Variants in LRP1B observed in about 807,000 individuals in gnomAD.
LRP1B encodes the protein low-density lipoprotein receptor-related protein 1B.
A neutral mutation model predicts 556.6 loss-of-function variants in LRP1B; 217 were observed. The observed-to-expected ratio is 0.39, with a 90% CI of 0.35 to 0.44. The LOEUF is 0.44. LRP1B is among the 20% of genes least tolerant of loss of function. The pLI, the probability that LRP1B is intolerant of heterozygous loss-of-function variation, is 1.00. For missense variants in LRP1B, 5,053 were observed against 5,620.8 expected, an observed-to-expected ratio of 0.90 and a Z score of 3.23; for synonymous variants, 2,047 against 1,865.8, an observed-to-expected ratio of 1.10 and a Z score of -2.50.
chr2:140,280,235 T>C (rs1176773262), intron 84 of LRP1B, among the ~76,000 whole-genome samples: 1 of 151,810 alleles, frequency 6.6e-6, no homozygotes, highest in Non-Finnish European at 1.5e-5. Context: ...AAATTTGTTG[T>C]TCAAATTTGA....
At chr2:141,467,845 G>A (rs13024334) in intron 3 of LRP1B, among the ~76,000 whole-genome samples, 4 of 127,364 alleles carry the variant, frequency 3.1e-5, no homozygotes, top group African/African-American at 1.1e-4. Flanking sequence ...GGACCGGGGG[G>A]GGGGGAATTC....
intron 55 of LRP1B, among the ~76,000 whole-genome samples, chr2:140,498,692 G>T (rs1394266602): frequency 6.6e-6 from 1 of 151,740 alleles, no homozygotes; most frequent in African/African-American, 2.4e-5. Flanking sequence ...ACGTAATTTT[G>T]CAACGTGGTA....
At chr2:140,638,993 AT>A (rs1559023692) in intron 41 of LRP1B, among the ~76,000 whole-genome samples, 1 of 152,072 alleles carries the variant, frequency 6.6e-6, no homozygotes, top group African/African-American at 2.4e-5. Context: ...AGAAAAAAAA[AT>A]GGGATATTTC....
At chr2:141,971,925 T>C (rs1034708198) in intron 1 of LRP1B, among the ~76,000 whole-genome samples, 6 of 151,506 alleles carry the variant, frequency 4.0e-5, no homozygotes, top group Admixed American at 6.6e-5. Flanking sequence ...TAATCTATCA[T>C]CCGTGCTATT....
At chr2:140,753,825 T>C (rs1407341337) in intron 35 of LRP1B, among the ~76,000 whole-genome samples, 1 of 152,128 alleles carries the variant, frequency 6.6e-6, no homozygotes, top group Non-Finnish European at 1.5e-5. Context: ...ACTTTTCTCG[T>C]ACCCTCCAAC....
intron 1 of LRP1B, among the ~76,000 whole-genome samples, chr2:142,091,792 C>A (rs191260238): frequency 1.3e-5 from 2 of 152,312 alleles, no homozygotes; most frequent in African/African-American, 2.4e-5. Context: ...TCCAGAAATT[C>A]TCTTTTTAGC....
At chr2:141,130,335 C>T (rs536134633) in intron 7 of LRP1B, among the ~76,000 whole-genome samples, 38 of 152,076 alleles carry the variant, frequency 2.5e-4, no homozygotes, top group Non-Finnish European at 4.6e-4. Context: ...ATGTTGCTTA[C>T]CCTCATTCAA....
In LRP1B at chr2:140,880,793, C is replaced by T. The variant is rs527317326; in HGVS notation, c.4169+3024G>A. 1.4e-4 allele frequency among the ~76,000 whole-genome samples: 21 copies of T among 152,228 alleles called. No homozygotes were observed. The South Asian group carries it at 4.1e-3, about 30-fold the overall frequency. ...AGTTCATAGTTTTCCCATTAGCTGTCTGTCCTTTACTGTATACTTCCCATT... is the reference window on the plus strand; with the variant it reads ...AGTTCATAGTTTTCCCATTAGCTGTTTGTCCTTTACTGTATACTTCCCATT... On this transcript the variant is annotated intron_variant, in intron 25 of 90. Coordinates refer to ENST00000389484, the MANE Select transcript of LRP1B (RefSeq NM_018557.3).
At chr2:141,885,594 T>C (rs1699086805) in intron 1 of LRP1B, among the ~76,000 whole-genome samples, 1 of 151,946 alleles carries the variant, frequency 6.6e-6, no homozygotes, top group Non-Finnish European at 1.5e-5. Flanking sequence ...TAAATGAGAG[T>C]GTCTAAGGGA....
intron 7 of LRP1B, among the ~76,000 whole-genome samples, chr2:141,112,583 T>C (rs1346495275): frequency 6.6e-6 from 1 of 152,206 alleles, no homozygotes; most frequent in Admixed American, 6.5e-5. Context: ...GTGAGTTCAA[T>C]GTCAATATTT....
intron 1 of LRP1B, among the ~76,000 whole-genome samples, chr2:142,127,095 A>T (rs994902013): frequency 6.6e-6 from 1 of 151,872 alleles, no homozygotes; most frequent in South Asian, 2.1e-4. Flanking sequence ...CTTTACCTTC[A>T]CTTACATTTT....
intron 2 of LRP1B, among the ~76,000 whole-genome samples, chr2:141,621,242 A>G (rs1254090593): frequency 6.6e-6 from 1 of 152,180 alleles, no homozygotes; most frequent in Non-Finnish European, 1.5e-5. Flanking sequence ...TTCTTTCTCA[A>G]TTGGCAAATA....
intron 2 of LRP1B, among the ~76,000 whole-genome samples, chr2:141,589,014 A>AT (rs2105291345): frequency 6.6e-6 from 1 of 152,278 alleles, no homozygotes; most frequent in East Asian, 1.9e-4. Context: ...CCCTGGCTTT[A>AT]TTTTAAAGGA....
At chr2:141,159,155 G>T (rs1413580627) in intron 7 of LRP1B, among the ~76,000 whole-genome samples, 1 of 152,122 alleles carries the variant, frequency 6.6e-6, no homozygotes, top group Non-Finnish European at 1.5e-5. Flanking sequence ...ATCACATTTA[G>T]ATTAGTCGTT....
intron 1 of LRP1B, among the ~76,000 whole-genome samples, chr2:142,085,040 T>G (rs1392648641): frequency 6.6e-6 from 1 of 152,182 alleles, no homozygotes; most frequent in Admixed American, 6.5e-5. Flanking sequence ...AATGAGGCCC[T>G]GAAACTTTTC....
chr2:141,250,664 T>C (rs1261394499), intron 4 of LRP1B, among the ~76,000 whole-genome samples: 1 of 152,154 alleles, frequency 6.6e-6, no homozygotes, highest in Non-Finnish European at 1.5e-5. Context: ...AACTGGTTGG[T>C]TCAGAGGTAT....
At chr2:142,004,770 C>T (rs1315300694) in intron 1 of LRP1B, among the ~76,000 whole-genome samples, 2 of 151,460 alleles carry the variant, frequency 1.3e-5, no homozygotes, top group African/African-American at 4.8e-5. Context: ...CACTGGAACC[C>T]GGGAAGAGAA....
intron 22 of LRP1B, among the ~76,000 whole-genome samples, chr2:140,907,462 A>C (rs1276833251): frequency 6.6e-6 from 1 of 152,096 alleles, no homozygotes. Flanking sequence ...CTTCCTAAAA[A>C]TCAGTTTCTA....
chr2:141,057,463 T>G (rs990631589), intron 9 of LRP1B, among the ~76,000 whole-genome samples: 3 of 151,836 alleles, frequency 2.0e-5, no homozygotes, highest in African/African-American at 7.2e-5. Flanking sequence ...TGATATGGTT[T>G]GTCTGTATCC....
Sources: gnomAD v4.1 joint callset for allele counts (sites outside exome capture counted in the v4.1 genomes callset) on GRCh38, gnomAD v4.1.1 for gene constraint, MANE v1.5 for transcripts, NCBI Gene and HGNC (gene_info 2026-07-23, HGNC 2026-07-21) for gene names.